The following EFNA5 variants were observed in gnomAD, a reference collection of about 807,000 sequenced individuals.
EFNA5 encodes the protein ephrin A5.
In EFNA5, 5 loss-of-function variants were observed where a neutral mutation model predicts 22.9. The observed-to-expected ratio is 0.22, with a 90% CI of 0.11 to 0.46. The LOEUF (loss-of-function observed/expected upper bound fraction) is 0.46. EFNA5 is among the 20% of genes least tolerant of loss of function. The pLI, the probability that EFNA5 is intolerant of heterozygous loss-of-function variation, is 0.99. For missense variants in EFNA5, 237 were observed against 293.3 expected (o/e 0.81, Z 1.40); for synonymous variants, 113 against 112.2 (o/e 1.01, Z -0.04).
At chr5:107,401,549 C>T (rs759629310) in intron 2 of EFNA5, among the ~76,000 whole-genome samples, 3 of 152,218 alleles carry the variant, frequency 2.0e-5, no homozygotes, top group Non-Finnish European at 4.4e-5. Flanking sequence ...ACTTCAAGTG[C>T]AAACTTCCCC....
intron 1 of EFNA5, among the ~76,000 whole-genome samples, chr5:107,609,914 A>C (rs1019535353): frequency 1.3e-5 from 2 of 152,234 alleles, no homozygotes; most frequent in Non-Finnish European, 2.9e-5. Flanking sequence ...AAGAGTCTGA[A>C]TCAGTGAAAA....
intron 1 of EFNA5, among the ~76,000 whole-genome samples, chr5:107,469,676 C>T (rs763956044): frequency 3.3e-5 from 5 of 151,602 alleles, no homozygotes; most frequent in African/African-American, 4.8e-5. Flanking sequence ...TTTTTTACCA[C>T]GCACCCAAGA....
At chr5:107,621,245 G>A (rs1230727717) in intron 1 of EFNA5, among the ~76,000 whole-genome samples, 1 of 152,130 alleles carries the variant, frequency 6.6e-6, no homozygotes, top group Non-Finnish European at 1.5e-5. Flanking sequence ...AGAGGACAAA[G>A]AAGCACAAAG....
chr5:107,403,806 C>T (rs1748147483), intron 2 of EFNA5, among the ~76,000 whole-genome samples: 1 of 152,152 alleles, frequency 6.6e-6, no homozygotes, highest in South Asian at 2.1e-4. Context: ...AAGTCATTTG[C>T]ATCTGTAAAC....
chr5:107,460,324 C>T lies in EFNA5; in HGVS notation c.126-32815G>A, dbSNP rs78706551. Among the ~76,000 whole-genome samples, 6 of 152,188 alleles carry T rather than the reference C, an allele frequency of 3.9e-5. No homozygotes were observed. In the East Asian group the frequency reaches 5.8e-4, roughly 15 times the overall value. On this transcript the variant is annotated intron_variant, in intron 1 of 4. Coordinates refer to ENST00000333274, the MANE Select transcript of EFNA5 (RefSeq NM_001962.3). ...CTAGCACCATGGAGCAAAGGATTAT[C>T]GGCCCTAACCATTTCTGCTCCATGT...
intron 1 of EFNA5, among the ~76,000 whole-genome samples, chr5:107,479,855 C>T (rs1456106759): frequency 6.6e-6 from 1 of 152,208 alleles, no homozygotes; most frequent in East Asian, 1.9e-4. Flanking sequence ...CTCCAGAGCT[C>T]ATGGTCTTAA....
chr5:107,575,989 T>G (rs1199217759), intron 1 of EFNA5, among the ~76,000 whole-genome samples: 1 of 152,208 alleles, frequency 6.6e-6, no homozygotes. Context: ...AACTGCCTCA[T>G]TTCCTAAAGG....
At chr5:107,658,787 C>T (rs1241857648) in intron 1 of EFNA5, among the ~76,000 whole-genome samples, 1 of 152,130 alleles carries the variant, frequency 6.6e-6, no homozygotes, top group African/African-American at 2.4e-5. Flanking sequence ...CCCAGACCCA[C>T]TAAATTAAAA....
At chr5:107,474,560 A>G (rs1750227038) in intron 1 of EFNA5, among the ~76,000 whole-genome samples, 1 of 152,098 alleles carries the variant, frequency 6.6e-6, no homozygotes, top group Non-Finnish European at 1.5e-5. Flanking sequence ...TCATGCAACC[A>G]TGCATCTTTG....
At chr5:107,400,608 T>C (rs943945920) in intron 2 of EFNA5, among the ~76,000 whole-genome samples, 1 of 152,254 alleles carries the variant, frequency 6.6e-6, no homozygotes, top group Non-Finnish European at 1.5e-5. Flanking sequence ...TCACAGTGTT[T>C]CTAAAATCTA....
chr5:107,567,126 C>T (rs1046934667), intron 1 of EFNA5, among the ~76,000 whole-genome samples: 1 of 152,010 alleles, frequency 6.6e-6, no homozygotes, highest in African/African-American at 2.4e-5. Context: ...AAGAGTTGTC[C>T]TATGTGTATG....
chr5:107,563,892 G>C (rs1432866383), intron 1 of EFNA5, among the ~76,000 whole-genome samples: 1 of 152,146 alleles, frequency 6.6e-6, no homozygotes, highest in African/African-American at 2.4e-5. Context: ...TCAATTCTTT[G>C]CAGTCTTGTT....
chr5:107,380,127 C>G lies in EFNA5; in HGVS notation c.*1128G>C, dbSNP rs143176362. On this transcript the variant is annotated 3_prime_UTR_variant, in exon 5 of 5. Coordinates refer to ENST00000333274, the MANE Select transcript of EFNA5 (RefSeq NM_001962.3). ...TCTCCTGGTGACAGGGGTTTGTGTCCGAGCCCCTGCGGTCAAGGAGTGTGG... is the reference window on the plus strand; with the variant it reads ...TCTCCTGGTGACAGGGGTTTGTGTCGGAGCCCCTGCGGTCAAGGAGTGTGG... The G allele has an allele frequency of 6.6e-6, 1 of 151,720 alleles. No individual in the cohort carries two copies. The highest frequency in any genetic ancestry group is 1.5e-5 in the Non-Finnish European group (1 of 67,958). 9.4% of individuals were successfully genotyped at this position (151,720 alleles called of 1,614,324 possible). A position where few individuals can be genotyped will look rare whatever the true frequency, so the allele number is the denominator to read the frequency against.
chr5:107,622,970 G>A (rs1232002108), intron 1 of EFNA5, among the ~76,000 whole-genome samples: 12 of 134,650 alleles, frequency 8.9e-5, no homozygotes, highest in African/African-American at 2.8e-4. Flanking sequence ...GCAGTGAGCC[G>A]AGATTGCGCC....
chr5:107,522,548 G>A (rs1309494195), intron 1 of EFNA5, among the ~76,000 whole-genome samples: 1 of 152,110 alleles, frequency 6.6e-6, no homozygotes, highest in Non-Finnish European at 1.5e-5. Flanking sequence ...ATAGGCACGT[G>A]CCACCACATG....
chr5:107,545,486 C>A (rs761508427), intron 1 of EFNA5, among the ~76,000 whole-genome samples: 3 of 152,160 alleles, frequency 2.0e-5, no homozygotes, highest in Non-Finnish European at 2.9e-5. Flanking sequence ...GAGCCCTAAC[C>A]CTGTTTCATG....
intron 2 of EFNA5, among the ~76,000 whole-genome samples, chr5:107,398,299 T>C (rs1450958162): frequency 6.6e-6 from 1 of 152,218 alleles, no homozygotes; most frequent in African/African-American, 2.4e-5. Context: ...TGTCTCCATT[T>C]CTCCAACACA....
At chr5:107,405,429 G>A (rs1748182686) in intron 2 of EFNA5, among the ~76,000 whole-genome samples, 1 of 152,196 alleles carries the variant, frequency 6.6e-6, no homozygotes, top group Non-Finnish European at 1.5e-5. Context: ...AACAGATGCA[G>A]CAGATTCACT....
chr5:107,427,101 C>A, intron 2 of EFNA5, 116 bp downstream of exon 2: 1 of 1,111,718 alleles, frequency 9.0e-7, no homozygotes, highest in South Asian at 1.4e-5. Flanking sequence ...TACGCATTTA[C>A]AAGGAGATAT....
Sources: gnomAD v4.1 joint callset for allele counts (sites outside exome capture counted in the v4.1 genomes callset) on GRCh38, gnomAD v4.1.1 for gene constraint, MANE v1.5 for transcripts, NCBI Gene and HGNC (gene_info 2026-07-23, HGNC 2026-07-21) for gene names.